TTC39C: variants seen among roughly 807,000 people sequenced by gnomAD.
TTC39C encodes the protein tetratricopeptide repeat protein 39C.
TTC39C carries 33 observed loss-of-function variants against 76.3 expected under a neutral mutation model. That is an observed-to-expected ratio of 0.43 (90% CI 0.33 to 0.58). The LOEUF (loss-of-function observed/expected upper bound fraction) is 0.58. TTC39C is among the 20% of genes least tolerant of loss of function. TTC39C has a pLI of 0.04. For missense variants in TTC39C, 595 were observed against 701.4 expected (o/e 0.85, Z 1.71); for synonymous variants, 254 against 260.6 (o/e 0.97, Z 0.24).
At chr18:24,116,504 A>G (rs2084892987) in intron 7 of TTC39C, among the ~76,000 whole-genome samples, 1 of 152,180 alleles carries the variant, frequency 6.6e-6, no homozygotes, top group Non-Finnish European at 1.5e-5. Flanking sequence ...CTGAGATCCC[A>G]CCACTGCACT....
At chr18:24,045,326 G>C (rs1162819872) in intron 1 of TTC39C, among the ~76,000 whole-genome samples, 1 of 150,758 alleles carries the variant, frequency 6.6e-6, no homozygotes, top group Non-Finnish European at 1.5e-5. Context: ...GTGAGAATCT[G>C]CATTGTAACA....
At chr18:24,078,222 T>C (rs969846003) in intron 4 of TTC39C, among the ~76,000 whole-genome samples, 3 of 152,214 alleles carry the variant, frequency 2.0e-5, no homozygotes, top group African/African-American at 7.2e-5. Flanking sequence ...ACCCAGAAGT[T>C]GTAGGATAGT....
At chr18:24,091,515 G>A (rs1303373587) in intron 6 of TTC39C, among the ~76,000 whole-genome samples, 1 of 152,162 alleles carries the variant, frequency 6.6e-6, no homozygotes, top group Admixed American at 6.5e-5. Flanking sequence ...TTAACTCAAA[G>A]CGGATCATAG....
At chr18:24,028,516 A>G (rs1244088431) in intron 1 of TTC39C, among the ~76,000 whole-genome samples, 1 of 152,196 alleles carries the variant, frequency 6.6e-6, no homozygotes, top group African/African-American at 2.4e-5. Context: ...ATGTAAACCC[A>G]AATGAAATTT....
chr18:24,036,880 G>A (rs773899912), intron 1 of TTC39C, among the ~76,000 whole-genome samples: 5 of 152,140 alleles, frequency 3.3e-5, no homozygotes, highest in Non-Finnish European at 7.4e-5. Flanking sequence ...CCATCTGTCC[G>A]CCTTGGCCTC....
chr18:24,049,999 G>A (rs1036110968), intron 1 of TTC39C, among the ~76,000 whole-genome samples: 3 of 152,180 alleles, frequency 2.0e-5, no homozygotes, highest in Non-Finnish European at 2.9e-5. Flanking sequence ...GGGTCTGACC[G>A]TTTTCCTTGG....
At chr18:24,068,691 A>G (rs2084199534) in intron 3 of TTC39C, among the ~76,000 whole-genome samples, 1 of 152,242 alleles carries the variant, frequency 6.6e-6, no homozygotes. Flanking sequence ...AAATGTAATC[A>G]GTTTCTGATC....
At chr18:24,019,935 T>G in intron 1 of TTC39C, 1 of 1,518,044 alleles carries the variant, frequency 6.6e-7, no homozygotes, top group Non-Finnish European at 8.8e-7. Context: ...AGATGTTGAG[T>G]CAGCAGGCCT....
Position 24,014,977 on chromosome 18 carries a change from G to A in TTC39C, c.106G>A (p.Gly36Ser). The change falls in exon 1 of 14, where the codon GGC (glycine) becomes AGC (serine). Residue 36 changes from glycine (G) to serine (S), a missense_variant. Coordinates refer to ENST00000317571, the MANE Select transcript of TTC39C (RefSeq NM_001135993.2). ...PLQDAELALA[G>S]INMLLNNGFR... Reference sequence around the variant, plus strand: ...GCAGGACGCGGAGCTGGCCCTGGCCGGCATCAACATGCTGCTCAACAACGG... The same window carrying A: ...GCAGGACGCGGAGCTGGCCCTGGCCAGCATCAACATGCTGCTCAACAACGG... 6.5e-7 allele frequency: 1 copy of A among 1,528,702 alleles called. No homozygotes were observed. The highest frequency in any genetic ancestry group is 8.8e-7 in the Non-Finnish European group (1 of 1,137,670). 94.7% of individuals were successfully genotyped at this position (1,528,702 alleles called of 1,614,324 possible). A position where few individuals can be genotyped will look rare whatever the true frequency, so the allele number is the denominator to read the frequency against.
intron 12 of TTC39C, among the ~76,000 whole-genome samples, 191 bp downstream of exon 12, chr18:24,130,608 A>G (rs2085114386): frequency 1.3e-5 from 2 of 152,018 alleles, no homozygotes; most frequent in Admixed American, 1.3e-4. Context: ...TAAGGAGGTA[A>G]TTTCTTCCCT....
At chr18:24,120,556 T>A (rs534195395) in intron 8 of TTC39C, among the ~76,000 whole-genome samples, 2 of 152,384 alleles carry the variant, frequency 1.3e-5, no homozygotes, top group South Asian at 4.1e-4. Flanking sequence ...ATATGTAGCA[T>A]CATTTACCAT....
At chr18:24,123,269 C>A (rs1198576926) in intron 8 of TTC39C, among the ~76,000 whole-genome samples, 1 of 152,238 alleles carries the variant, frequency 6.6e-6, no homozygotes, top group Non-Finnish European at 1.5e-5. Context: ...GTCTCCCCAA[C>A]AAGAGGACAA....
intron 8 of TTC39C, among the ~76,000 whole-genome samples, chr18:24,122,975 A>G (rs757736467): frequency 8.2e-4 from 125 of 152,234 alleles, no homozygotes; most frequent in Non-Finnish European, 1.1e-3. Context: ...AGCATGTGTG[A>G]TCTTTTCAAT....
intron 9 of TTC39C, chr18:24,124,176 G>A: frequency 5.9e-6 from 2 of 341,308 alleles, no homozygotes; most frequent in East Asian, 5.2e-5. Flanking sequence ...GATGAGTCCT[G>A]CAGATACAGG....
chr18:24,050,307 T>A (rs1037422727), intron 1 of TTC39C, among the ~76,000 whole-genome samples: 1 of 152,182 alleles, frequency 6.6e-6, no homozygotes, highest in Non-Finnish European at 1.5e-5. Context: ...CAGTGGCTCA[T>A]GCCTGTAATC....
At chr18:24,009,497 T>C (rs1297282991) in intron 1 of TTC39C, among the ~76,000 whole-genome samples, 1 of 152,118 alleles carries the variant, frequency 6.6e-6, no homozygotes, top group Non-Finnish European at 1.5e-5. Flanking sequence ...AACTTGATTA[T>C]CTCTAAGGAA....
chr18:23,997,271 C>CCAGGTG (rs2083269041), intron 1 of TTC39C, among the ~76,000 whole-genome samples: 1 of 152,004 alleles, frequency 6.6e-6, no homozygotes, highest in South Asian at 2.1e-4. Flanking sequence ...AATAAAAAGG[C>CCAGGTG]CAGGTGCAGT....
chr18:24,101,774 T>C (rs1292535314), intron 6 of TTC39C, among the ~76,000 whole-genome samples: 1 of 152,270 alleles, frequency 6.6e-6, no homozygotes, highest in Non-Finnish European at 1.5e-5. Context: ...TGGCTGTTTG[T>C]AGACTAGTGT....
chr18:24,024,016 A>ATTTTTTTT (rs1181326548), intron 1 of TTC39C, among the ~76,000 whole-genome samples: 2 of 5,474 alleles, frequency 3.7e-4, no homozygotes, highest in Admixed American at 3.6e-3. Flanking sequence ...ATATATATAT[A>ATTTTTTTT]TTTTTTTTTT....
Sources: allele counts gnomAD v4.1 joint callset (sites outside exome capture counted in the v4.1 genomes callset), GRCh38; gene constraint gnomAD v4.1.1; transcripts MANE v1.5; gene names NCBI Gene and HGNC (gene_info 2026-07-23, HGNC 2026-07-21).